Variants in RUVBL1 observed in about 807,000 individuals in gnomAD.
RUVBL1 encodes ruvB-like 1.
Under a neutral mutation model 52.4 loss-of-function variants are expected in RUVBL1, and 4 were observed. That is an observed-to-expected ratio of 0.08 (90% confidence interval 0.04 to 0.17). RUVBL1 has a LOEUF of 0.17. RUVBL1 is among the 10% of genes least tolerant of loss of function. The pLI is 1.00. For missense variants in RUVBL1, 298 were observed against 572.8 expected, an observed-to-expected ratio of 0.52 and a Z score of 4.90; for synonymous variants, 217 against 214.4, an observed-to-expected ratio of 1.01 and a Z score of -0.10.
At chr3:128,066,398 G>C (rs1240623076) in intron 9 of RUVBL1, among the ~76,000 whole-genome samples, 1 of 152,014 alleles carries the variant, frequency 6.6e-6, no homozygotes, top group Non-Finnish European at 1.5e-5. Context: ...AAGTGGGGGT[G>C]GGGATCATTC....
At position 128,123,671 on chromosome 3, in the gene RUVBL1, G is replaced by A. The variant is rs752723792; in HGVS notation, c.54C>T (p.His18=). 3 of 1,612,174 alleles carry A rather than the reference G, an allele frequency of 1.9e-6. No homozygotes were observed. Among genetic ancestry groups the A allele is most frequent in the Non-Finnish European group, 2.5e-6 (3 of 1,179,312 alleles). ...STTKTQRIAS[H]SHVKGLGLDE... is the part of the protein sequence containing the mutation. Reference sequence around the variant, plus strand: ...CCAGCCCCAGCCCTTTCACGTGGCTGTGGGAGGCGATGCGCTGCGTCTTCG... The same window carrying A: ...CCAGCCCCAGCCCTTTCACGTGGCTATGGGAGGCGATGCGCTGCGTCTTCG... The change falls in exon 1 of 11, where the codon CAC becomes CAT. Residue 18 remains histidine (H), a synonymous_variant. Coordinates refer to ENST00000322623, the MANE Select transcript of RUVBL1 (RefSeq NM_003707.3).
rs1942500121 is a variant in RUVBL1 at position 128,082,311 on chromosome 3, A to C, written c.1211+172T>G. On this transcript the variant is annotated intron_variant, in intron 10 of 10. Coordinates refer to ENST00000322623, the MANE Select transcript of RUVBL1 (RefSeq NM_003707.3). The surrounding 1 kb of genome is among the most constrained non-coding windows in gnomAD (Gnocchi z 4.7). ...ACTCTAGCTTGTTAAAAACCATCAG[A>C]TAGATCCTCTGCATTTGAAACTCAA... 1.0e-5 allele frequency: 6 copies of C among 588,376 alleles called. No individual in the cohort carries two copies. Among genetic ancestry groups the C allele is most frequent in the Non-Finnish European group, 1.8e-5 (6 of 328,582 alleles). 36.4% of individuals were successfully genotyped at this position (588,376 alleles called of 1,614,324 possible).
chr3:128,075,581 G>A (rs573706096), intron 9 of RUVBL1, among the ~76,000 whole-genome samples: 1 of 152,094 alleles, frequency 6.6e-6, no homozygotes, highest in South Asian at 2.1e-4. Flanking sequence ...CTTCAACCTC[G>A]CTTGCTGGGA....
chr3:128,080,929 T>C lies in RUVBL1; in HGVS notation c.*321A>G, dbSNP rs762968913. ...GTACAAGATACATGGGAACTCCCTA[T>C]TGTATGTTCACAATGACTCTGTACA... On this transcript the variant is annotated 3_prime_UTR_variant, in exon 11 of 11. Coordinates refer to ENST00000322623, the MANE Select transcript of RUVBL1 (RefSeq NM_003707.3). 14 of 264,408 alleles carry C rather than the reference T, an allele frequency of 5.3e-5. No individual in the cohort carries two copies. Among genetic ancestry groups the C allele is most frequent in the Non-Finnish European group, 8.0e-5 (11 of 138,358 alleles). 16.4% of individuals were successfully genotyped at this position (264,408 alleles called of 1,614,324 possible). A position where few individuals can be genotyped will look rare whatever the true frequency, so the allele number is the denominator to read the frequency against.
intron 9 of RUVBL1, chr3:128,084,135 A>C (rs921877245): frequency 6.6e-6 from 1 of 152,390 alleles, no homozygotes; most frequent in Non-Finnish European, 1.5e-5. Flanking sequence ...AACTTGTTCA[A>C]ACATTTCACA....
chr3:128,123,794 T>A lies in RUVBL1; in HGVS notation c.-70A>T. ...TAGGACAGTGCGCCCGGCGCCTGAG[T>A]TACCATGCGGCCGTTACTAGGGCAA... On this transcript the variant is annotated 5_prime_UTR_variant, in exon 1 of 11. Transcript: ENST00000322623. 6.7e-7 allele frequency: 1 copy of A among 1,503,424 alleles called. No individual in the cohort carries two copies. Among genetic ancestry groups the A allele is most frequent in the Non-Finnish European group, 8.9e-7 (1 of 1,117,916 alleles). The allele number at this position is 1,503,424 out of a possible 1,614,324, so 93.1% of individuals were successfully genotyped here. A position where few individuals can be genotyped will look rare whatever the true frequency, so the allele number is the denominator to read the frequency against.
intron 1 of RUVBL1, among the ~76,000 whole-genome samples, chr3:128,151,100 A>G (rs1454234306): frequency 2.6e-5 from 3 of 117,224 alleles, no homozygotes; most frequent in Admixed American, 1.1e-4. Flanking sequence ...TATATATTCT[A>G]TATATATTCT....
At chr3:128,151,127 T>TAC (rs1348514909) in intron 1 of RUVBL1, among the ~76,000 whole-genome samples, 1 of 125,186 alleles carries the variant, frequency 8.0e-6, no homozygotes, top group Non-Finnish European at 1.6e-5. Flanking sequence ...ATTCTATATA[T>TAC]ATTCTATATA....
chr3:128,148,806 T>C (rs1037724575), intron 1 of RUVBL1, among the ~76,000 whole-genome samples: 1 of 152,222 alleles, frequency 6.6e-6, no homozygotes, highest in Non-Finnish European at 1.5e-5. Flanking sequence ...TGCACCCTAT[T>C]TTTTCAGTTA....
chr3:128,141,199 T>A (rs1323641980), intron 1 of RUVBL1, among the ~76,000 whole-genome samples: 5 of 152,212 alleles, frequency 3.3e-5, no homozygotes, highest in African/African-American at 1.2e-4. Flanking sequence ...GCTCTTCATA[T>A]CACCAAGGCT....
Position 128,100,667 on chromosome 3 carries a change from A to C in RUVBL1, c.681T>G (p.Asp227Glu). 1 of 1,613,874 alleles carries C rather than the reference A, an allele frequency of 6.2e-7. No individual in the cohort carries two copies. The highest frequency in any genetic ancestry group is 8.5e-7 in the Non-Finnish European group (1 of 1,179,934). The change falls in exon 6 of 11, where the codon GAT becomes GAG. Residue 227 changes from aspartate (D) to glutamate (E), a missense_variant. Asp to Glu is a conservative substitution (Grantham distance 45). Transcript: ENST00000322623. ...GGATGATTTCTTTCTTTTTGTGCAC[A>C]TCCCCTTTTGGCAAGGGGACATACT... Reference protein sequence around the residue: ...AEEYVPLPKGDVHKKKEIIQD... With the variant: ...AEEYVPLPKGEVHKKKEIIQD...
intron 4 of RUVBL1, among the ~76,000 whole-genome samples, chr3:128,103,000 T>C (rs1442905822): frequency 6.6e-6 from 1 of 152,216 alleles, no homozygotes; most frequent in Non-Finnish European, 1.5e-5. Context: ...GAAGGGGTCA[T>C]GAGTACTAAT....
At position 128,081,335 on chromosome 3, in the gene RUVBL1, T is replaced by C; in HGVS notation, c.1286A>G (p.His429Arg). 1 of 1,614,226 alleles carries C rather than the reference T, an allele frequency of 6.2e-7. No individual in the cohort carries two copies. The highest frequency in any genetic ancestry group is 1.3e-5 in the African/African-American group (1 of 75,062). The part of the protein sequence containing the change: ...INGKDSIEKE[H>R]VEEISELFYD... The stretch of plus-strand genomic sequence containing the variant: ...GAAAAGTTCACTGATCTCTTCGACA[T>C]GCTCTTTCTCAATGCTGTCCTTCCC... The change falls in exon 11 of 11, where the codon CAT becomes CGT. Residue 429 changes from histidine to arginine, a missense_variant. By Grantham distance (29) the His-to-Arg change is conservative (BLOSUM62 0). This residue lies in a region of RUVBL1 where 161 missense variants were observed against 298.3 expected (regional missense o/e 0.54). Transcript: ENST00000322623. This position sits in a 1 kb window ranked among gnomAD's most constrained non-coding sequence, Gnocchi z 4.8.
intron 1 of RUVBL1, among the ~76,000 whole-genome samples, chr3:128,145,656 G>A (rs1176906405): frequency 6.6e-6 from 1 of 152,118 alleles, no homozygotes; most frequent in Non-Finnish European, 1.5e-5. Flanking sequence ...AGGGTGAGCT[G>A]GGGTGGGGTG....
chr3:128,065,806 G>A lies in RUVBL1; in HGVS notation c.940-586C>T, dbSNP rs537064339. On this transcript the variant is annotated intron_variant, in intron 9 of 9. Coordinates refer to the RUVBL1 transcript ENST00000464873. ...GGCTGGAGTGCAGTGGCGCGATCTC[G>A]ACTCGACTCACTGCAACCTCCGCCT... 1.8e-4 allele frequency among the ~76,000 whole-genome samples: 23 copies of A among 131,002 alleles called. No homozygotes were observed. The East Asian group carries it at 4.4e-3, about 25-fold the overall frequency. 85.9% of individuals were successfully genotyped at this position (131,002 alleles called of 152,430 possible). A position where few individuals can be genotyped will look rare whatever the true frequency, so the allele number is the denominator to read the frequency against.
chr3:128,091,958 CACAG>C (rs1253349507), intron 8 of RUVBL1, among the ~76,000 whole-genome samples: 59 of 152,288 alleles, frequency 3.9e-4, no homozygotes, highest in Middle Eastern at 3.4e-3. Context: ...TGACAGAAAG[CACAG>C]TAAAAACACC....
At chr3:128,129,397 A>C (rs377577053) in intron 1 of RUVBL1, among the ~76,000 whole-genome samples, 2 of 152,190 alleles carry the variant, frequency 1.3e-5, no homozygotes, top group African/African-American at 4.8e-5. Context: ...AACTTATGGG[A>C]TGCAGCAAAA....
At chr3:128,123,497 AT>A (rs1943708573) in intron 1 of RUVBL1, 86 bp downstream of exon 1, 1 of 1,356,674 alleles carries the variant, frequency 7.4e-7, no homozygotes, top group Non-Finnish European at 9.7e-7. Flanking sequence ...TGGCGCGCGC[AT>A]CCCGCCCCGA....
chr3:128,085,236 A>C (rs1310465683), intron 9 of RUVBL1: 1 of 152,276 alleles, frequency 6.6e-6, no homozygotes, highest in Non-Finnish European at 1.5e-5. Flanking sequence ...ACAATCTTGC[A>C]AAGGAGGGAG....
Sources: allele counts gnomAD v4.1 joint callset (sites outside exome capture counted in the v4.1 genomes callset), GRCh38; gene constraint gnomAD v4.1.1; regional missense constraint gnomAD v4.1.1; non-coding constraint Gnocchi (gnomAD v3.1); transcripts MANE v1.5; gene names NCBI Gene and HGNC (gene_info 2026-07-23, HGNC 2026-07-21).